SLC14A2: variants seen among roughly 807,000 people sequenced by gnomAD.
SLC14A2 encodes the protein solute carrier family 14 member 2, also known as urea transporter 2.
A neutral mutation model predicts 104.6 loss-of-function variants in SLC14A2; 91 were observed. That is an observed-to-expected ratio of 0.87 (90% CI 0.73 to 1.04). The LOEUF is 1.04. SLC14A2 is among the 50% of genes least tolerant of loss of function. The probability of loss-of-function intolerance (pLI) is 0.00; values close to 1 mark genes in which losing one functional copy is unlikely to be tolerated. For synonymous variants in SLC14A2, 476 were observed against 466.4 expected, an observed-to-expected ratio of 1.02 and a Z score of -0.27; for missense variants, 1,189 against 1,156.0, an observed-to-expected ratio of 1.03 and a Z score of -0.41.
intron 1 of SLC14A2, among the ~76,000 whole-genome samples, chr18:45,340,319 C>T (rs1439376919): frequency 1.3e-5 from 2 of 152,218 alleles, no homozygotes; most frequent in South Asian, 2.1e-4. Context: ...TGACTGTGTG[C>T]TGATGGAGGG....
intron 1 of SLC14A2, among the ~76,000 whole-genome samples, chr18:45,317,691 GCCAGCTGTGTTCC>G (rs1197929926): frequency 6.6e-6 from 1 of 152,222 alleles, no homozygotes; most frequent in Non-Finnish European, 1.5e-5. Context: ...AGCCCAGGCA[GCCAGCTGTGTTCC>G]CCAGCTTTTG....
At chr18:45,315,351 A>C (rs1233528269) in intron 1 of SLC14A2, among the ~76,000 whole-genome samples, 1 of 152,190 alleles carries the variant, frequency 6.6e-6, no homozygotes, top group Admixed American at 6.5e-5. Flanking sequence ...ACACTCTAGC[A>C]TGGGGAAGAT....
rs185115737 is a variant in SLC14A2, at chr18:45,463,621, G to T, written c.-124-19612G>T. Among the ~76,000 whole-genome samples the T allele has an allele frequency of 1.4e-4, 22 of 152,326 alleles. 1 individual carries two copies. In the East Asian group the frequency reaches 4.0e-3, roughly 28 times the overall value. ...TAGAATCCTTCAGTCATCTTTTTGT[G>T]TGTGTGCATGCTTCCGTTTCTGGCT... is the stretch of plus-strand genomic sequence containing the variant. On this transcript the variant is annotated intron_variant, in intron 1 of 20. Transcript: ENST00000586448.
chr18:45,529,970 C>T (rs1033101060), intron 2 of SLC14A2: 1 of 152,198 alleles, frequency 6.6e-6, no homozygotes, highest in Non-Finnish European at 1.5e-5. Context: ...AAGAAGCTCT[C>T]ATTGAACCAG....
intron 1 of SLC14A2, among the ~76,000 whole-genome samples, chr18:45,287,964 G>T (rs1443763221): frequency 6.6e-6 from 1 of 152,210 alleles, no homozygotes; most frequent in African/African-American, 2.4e-5. Flanking sequence ...CTCGCCTGCA[G>T]TCCTAGCTCC....
intron 1 of SLC14A2, among the ~76,000 whole-genome samples, chr18:45,284,896 C>G (rs1356677407): frequency 6.6e-6 from 1 of 151,976 alleles, no homozygotes; most frequent in Non-Finnish European, 1.5e-5. Context: ...GGAGGCTAGC[C>G]CAGGAAAGAC....
chr18:45,286,860 G>C (rs74341664), intron 1 of SLC14A2, among the ~76,000 whole-genome samples: 1 of 152,070 alleles, frequency 6.6e-6, no homozygotes, highest in African/African-American at 2.4e-5. Flanking sequence ...TAAGACTTTG[G>C]CTCCCCATAT....
intron 1 of SLC14A2, among the ~76,000 whole-genome samples, chr18:45,383,081 GC>G (rs1427746768): frequency 6.6e-6 from 1 of 152,172 alleles, no homozygotes; most frequent in Non-Finnish European, 1.5e-5. Flanking sequence ...ACATTTGCCT[GC>G]CCTGAGGTAT....
intron 2 of SLC14A2, among the ~76,000 whole-genome samples, chr18:45,579,048 A>G (rs983577771): frequency 6.6e-6 from 1 of 152,164 alleles, no homozygotes; most frequent in African/African-American, 2.4e-5. Flanking sequence ...GCTGGCCCAA[A>G]CTTATTTACA....
chr18:45,630,571 T>C (rs1238311887), intron 4 of SLC14A2, among the ~76,000 whole-genome samples: 1 of 152,056 alleles, frequency 6.6e-6, no homozygotes, highest in Non-Finnish European at 1.5e-5. Context: ...ACCACCAAAG[T>C]TTTAGTAAAA....
intron 10 of SLC14A2, among the ~76,000 whole-genome samples, chr18:45,655,337 G>T (rs558945144): frequency 6.6e-6 from 1 of 152,286 alleles, no homozygotes; most frequent in African/African-American, 2.4e-5. Context: ...TATAAGCCTT[G>T]GTGAACTTGG....
the SLC14A2 span, among the ~76,000 whole-genome samples, chr18:45,189,318 G>A: frequency 2.0e-5 from 3 of 152,058 alleles, no homozygotes; most frequent in African/African-American, 7.2e-5. Context: ...GTTAAATGGG[G>A]GTAACAATAC....
rs145456823 is a variant in SLC14A2, at chr18:45,582,840, C to A, written c.-34-41791C>A. Among the ~76,000 whole-genome samples the A allele has an allele frequency of 4.8e-4, 73 of 152,262 alleles. 1 individual carries two copies. Among genetic ancestry groups the A allele is most frequent in the Admixed American group, 2.0e-3 (31 of 15,304 alleles). ...GGGAATTTCAAAGTTACCCACCCCC[C>A]TTAGGAACACTCCAGATGACAAAAT... On this transcript the variant is annotated intron_variant, in intron 2 of 20. Coordinates refer to the SLC14A2 transcript ENST00000586448.
chr18:45,536,163 T>A (rs1027458717), intron 2 of SLC14A2, among the ~76,000 whole-genome samples: 2 of 152,108 alleles, frequency 1.3e-5, no homozygotes, highest in African/African-American at 4.8e-5. Flanking sequence ...CTGGAGAGCA[T>A]GGTGGTTGTG....
chr18:45,290,431 G>T (rs1308960296), intron 1 of SLC14A2, among the ~76,000 whole-genome samples: 1 of 152,186 alleles, frequency 6.6e-6, no homozygotes, highest in Non-Finnish European at 1.5e-5. Flanking sequence ...GCATTTGATG[G>T]GTTGGGCTTA....
intron 1 of SLC14A2, among the ~76,000 whole-genome samples, chr18:45,386,698 A>T (rs2085900868): frequency 6.6e-6 from 1 of 152,192 alleles, no homozygotes. Flanking sequence ...TTGAGAGCAT[A>T]GACTTTGGGG....
intron 9 of SLC14A2, among the ~76,000 whole-genome samples, chr18:45,643,602 G>A (rs938497652): frequency 1.3e-5 from 2 of 152,130 alleles, no homozygotes; most frequent in African/African-American, 2.4e-5. Context: ...GTGCAATCTT[G>A]GCTCACTGCA....
chr18:45,536,699 G>C (rs1482616586), intron 2 of SLC14A2, among the ~76,000 whole-genome samples: 1 of 152,068 alleles, frequency 6.6e-6, no homozygotes, highest in Non-Finnish European at 1.5e-5. Context: ...ATATCTTTTG[G>C]GGGGCACAAT....
intron 2 of SLC14A2, among the ~76,000 whole-genome samples, chr18:45,582,129 T>C (rs1162055973): frequency 6.6e-6 from 1 of 152,174 alleles, no homozygotes; most frequent in Non-Finnish European, 1.5e-5. Flanking sequence ...CAGAATACCT[T>C]TGCTCTTGAC....
Sources: allele counts gnomAD v4.1 joint callset (sites outside exome capture counted in the v4.1 genomes callset), GRCh38; gene constraint gnomAD v4.1.1; transcripts MANE v1.5; gene names NCBI Gene and HGNC (gene_info 2026-07-23, HGNC 2026-07-21).